The following NRXN3 variants were observed in gnomAD, a reference collection of about 807,000 sequenced individuals.
NRXN3 encodes neurexin 3, also known as neurexin III.
Under a neutral mutation model 137.6 loss-of-function variants are expected in NRXN3, and 32 were observed. That is an observed-to-expected ratio of 0.23 (90% CI 0.18 to 0.31). The LOEUF (loss-of-function observed/expected upper bound fraction) is 0.31. Ranked by LOEUF, NRXN3 falls within the 10% of genes least tolerant of loss-of-function variation. The pLI is 1.00. For missense variants in NRXN3, 1,574 were observed against 2,062.5 expected (o/e 0.76, Z 4.59); for synonymous variants, 798 against 784.5 (o/e 1.02, Z -0.29).
chr14:79,123,246 C>T (rs969797569), intron 15 of NRXN3, among the ~76,000 whole-genome samples: 10 of 151,866 alleles, frequency 6.6e-5, no homozygotes, highest in South Asian at 2.1e-4. Flanking sequence ...TGTGCGTGCG[C>T]GCACACACAC....
At chr14:79,118,397 T>C (rs1263872428) in intron 15 of NRXN3, among the ~76,000 whole-genome samples, 3 of 152,212 alleles carry the variant, frequency 2.0e-5, no homozygotes, top group Non-Finnish European at 4.4e-5. Context: ...TTGCAATCAA[T>C]GAGCTGTGAA....
intron 19 of NRXN3, among the ~76,000 whole-genome samples, chr14:79,804,226 G>C (rs1028416344): frequency 2.6e-5 from 4 of 151,954 alleles, no homozygotes; most frequent in Non-Finnish European, 4.4e-5. Context: ...TAGGCCAAAA[G>C]TTTTGTTTTT....
chr14:78,378,206 C>T lies in NRXN3; in HGVS notation c.757+80346C>T, dbSNP rs184721572. Among the ~76,000 whole-genome samples the T allele has an allele frequency of 3.0e-4, 45 of 152,218 alleles. 1 individual carries two copies. Among genetic ancestry groups the T allele is most frequent in the African/African-American group, 9.9e-4 (41 of 41,532 alleles). ...AGTTTCAAGAAATCAAATAATAGGC[C>T]GGGAACGGTGGCTCACGCCTATAAT... On this transcript the variant is annotated intron_variant, in intron 4 of 20. Coordinates refer to ENST00000335750, the MANE Select transcript of NRXN3 (RefSeq NM_001330195.2).
intron 15 of NRXN3, among the ~76,000 whole-genome samples, chr14:79,067,807 T>C (rs543852737): frequency 3.9e-5 from 6 of 152,182 alleles, no homozygotes; most frequent in Non-Finnish European, 8.8e-5. Context: ...AACTGTGAGT[T>C]AGGAATTTAA....
In NRXN3 at chr14:78,918,517, G is replaced by A. The variant is rs549223884; in HGVS notation, c.2276-38725G>A. 2.6e-5 allele frequency among the ~76,000 whole-genome samples: 4 copies of A among 152,192 alleles called. No individual in the cohort carries two copies. The South Asian group carries it at 8.3e-4, about 32-fold the overall frequency. ...AGATATATGCCTTAAACTTTAGACTGTCTGAGATCAGTTTAAGGCAAAGAT... is the reference window on the plus strand; with the variant it reads ...AGATATATGCCTTAAACTTTAGACTATCTGAGATCAGTTTAAGGCAAAGAT... On this transcript the variant is annotated intron_variant, in intron 10 of 20. Transcript: ENST00000335750.
intron 19 of NRXN3, among the ~76,000 whole-genome samples, chr14:79,771,979 A>G (rs1264137003): frequency 4.5e-5 from 6 of 134,390 alleles, no homozygotes; most frequent in Admixed American, 1.6e-4. Context: ...TTATACACCA[A>G]CAACAGACAA....
intron 15 of NRXN3, among the ~76,000 whole-genome samples, chr14:79,427,722 C>G (rs1421055958): frequency 6.6e-6 from 1 of 151,640 alleles, no homozygotes; most frequent in African/African-American, 2.4e-5. Context: ...ATCCCGGCTA[C>G]TCAGGAGGCT....
intron 4 of NRXN3, chr14:78,300,561 CTT>C (rs2076777458): frequency 1.5e-6 from 1 of 678,034 alleles, no homozygotes; most frequent in African/African-American, 1.8e-5. Context: ...TTTTATGTCT[CTT>C]TGTGTGTTTG....
At chr14:79,648,463 A>G (rs1245141975) in intron 16 of NRXN3, among the ~76,000 whole-genome samples, 1 of 135,698 alleles carries the variant, frequency 7.4e-6, no homozygotes, top group Non-Finnish European at 1.7e-5. Flanking sequence ...GAAAAATACT[A>G]TGTAGTACCC....
intron 15 of NRXN3, among the ~76,000 whole-genome samples, chr14:79,361,726 C>A (rs553587060): frequency 4.6e-5 from 7 of 152,024 alleles, no homozygotes; most frequent in South Asian, 4.2e-4. Context: ...AAAGGAATGA[C>A]CCATACCTGA....
chr14:79,009,815 G>T (rs10132523), intron 15 of NRXN3, among the ~76,000 whole-genome samples: 2 of 152,030 alleles, frequency 1.3e-5, no homozygotes. Context: ...CATCTCTCTC[G>T]GTTACAAATG....
chr14:79,626,240 G>A (rs1438110716), intron 16 of NRXN3, among the ~76,000 whole-genome samples: 2 of 152,132 alleles, frequency 1.3e-5, no homozygotes, highest in Middle Eastern at 3.4e-3. Context: ...CCTTTAGGGG[G>A]TCTTTAAGAT....
chr14:79,318,883 G>C lies in NRXN3; in HGVS notation c.3263-148338G>C, dbSNP rs531178554. Among the ~76,000 whole-genome samples, 3 of 152,206 alleles carry C rather than the reference G, an allele frequency of 2.0e-5. No homozygotes were observed. The South Asian group carries it at 6.2e-4, about 32-fold the overall frequency. ...ATTACTCCCATTTGCATTGGCTGCA[G>C]ACTCTCTAAGTATTACTTTCCCTTC... is the stretch of plus-strand genomic sequence containing the variant. On this transcript the variant is annotated intron_variant, in intron 15 of 20. Transcript: ENST00000335750.
chr14:79,677,557 T>C (rs1376929180), intron 17 of NRXN3, among the ~76,000 whole-genome samples: 1 of 152,052 alleles, frequency 6.6e-6, no homozygotes, highest in Non-Finnish European at 1.5e-5. Flanking sequence ...ATAAAGGCAA[T>C]ATATTGTTCT....
At chr14:79,601,457 C>T (rs2097920977) in intron 16 of NRXN3, among the ~76,000 whole-genome samples, 1 of 152,172 alleles carries the variant, frequency 6.6e-6, no homozygotes, top group Non-Finnish European at 1.5e-5. Context: ...CCTTCATGCT[C>T]CTTGTCATTT....
At chr14:78,548,318 T>C (rs539156692) in intron 4 of NRXN3, among the ~76,000 whole-genome samples, 1 of 152,312 alleles carries the variant, frequency 6.6e-6, no homozygotes, top group South Asian at 2.1e-4. Context: ...CCATTTTTAG[T>C]TCTCAAGGTT....
At chr14:79,243,335 A>G (rs193234160) in intron 15 of NRXN3, among the ~76,000 whole-genome samples, 3 of 152,352 alleles carry the variant, frequency 2.0e-5, no homozygotes, top group Admixed American at 6.5e-5. Context: ...CAACTGGCTC[A>G]GCTAGATTTG....
intron 8 of NRXN3, among the ~76,000 whole-genome samples, chr14:78,760,045 T>A (rs1242253553): frequency 6.8e-6 from 1 of 146,228 alleles, no homozygotes; most frequent in African/African-American, 2.6e-5. Flanking sequence ...TTTTTTTTTT[T>A]TTTTTTTTTT....
At chr14:78,406,905 A>G (rs2092521196) in intron 4 of NRXN3, among the ~76,000 whole-genome samples, 1 of 152,144 alleles carries the variant, frequency 6.6e-6, no homozygotes. Flanking sequence ...GAGGCTGCAT[A>G]TACCCTGCAC....
Sources: allele counts gnomAD v4.1 joint callset (sites outside exome capture counted in the v4.1 genomes callset), GRCh38; gene constraint gnomAD v4.1.1; transcripts MANE v1.5; gene names NCBI Gene and HGNC (gene_info 2026-07-23, HGNC 2026-07-21).